Variants in AGBL1 observed in about 807,000 individuals in gnomAD.
AGBL1 encodes the protein cytosolic carboxypeptidase 4.
In AGBL1, 130 loss-of-function variants were observed where a neutral mutation model predicts 118.9. The ratio of observed to expected loss-of-function variants is 1.09; its 90% CI spans 0.95 to 1.26. AGBL1 has a LOEUF of 1.26. Among genes scored for constraint, AGBL1 ranks in the 50% most tolerant of loss-of-function variants. The pLI, the probability that AGBL1 is intolerant of heterozygous loss-of-function variation, is 0.00. For missense variants in AGBL1, 1,584 were observed against 1,298.1 expected, an observed-to-expected ratio of 1.22 and a Z score of -3.38; for synonymous variants, 555 against 478.9, an observed-to-expected ratio of 1.16 and a Z score of -2.08.
intron 7 of AGBL1, among the ~76,000 whole-genome samples, chr15:86,252,781 A>G (rs12907323): frequency 0.45 from 68,412 of 152,114 alleles, 15,875 homozygotes; most frequent in African/African-American, 0.54. Context: ...TGGGACAACT[A>G]GGACGTTTTG....
At chr15:86,194,527 G>A (rs896722154) in intron 5 of AGBL1, among the ~76,000 whole-genome samples, 1 of 152,174 alleles carries the variant, frequency 6.6e-6, no homozygotes, top group South Asian at 2.1e-4. Context: ...GGTTTTAGAA[G>A]TAGAGCATTC....
Position 86,495,752 on chromosome 15 carries a change from T to C in AGBL1, c.2556-27058T>C, listed in dbSNP as rs147167787. 7.7e-3 allele frequency among the ~76,000 whole-genome samples: 1,168 copies of C among 152,138 alleles called. 7 individuals are homozygous for C. Among genetic ancestry groups the C allele is most frequent in the Middle Eastern group, 0.014 (4 of 294 alleles). The stretch of plus-strand genomic sequence containing the variant: ...TTTTTAATAAATATTCAATATATGG[T>C]ATAAAAGTATGCATCTTCTCTGTTT... On this transcript the variant is annotated intron_variant, in intron 18 of 22. Transcript: ENST00000614907.
Position 86,365,042 on chromosome 15 carries a change from TACAC to T in AGBL1, c.2375-32320_2375-32317del, listed in dbSNP as rs1234526029. ...ATATATATATACACACACATATATA[TACAC>T]ACATATATATACACATATATATATA... On this transcript the variant is annotated intron_variant, in intron 17 of 22. Coordinates refer to ENST00000614907, the MANE Select transcript of AGBL1 (RefSeq NM_001386094.1). Among the ~76,000 whole-genome samples, 11 of 112,838 alleles carry T rather than the reference TACAC, an allele frequency of 9.7e-5. 1 individual carries two copies. The highest frequency in any genetic ancestry group is 3.9e-4 in the African/African-American group (11 of 28,536). The allele number at this position is 112,838 out of a possible 152,430, so 74.0% of individuals were successfully genotyped here. A position where few individuals can be genotyped will look rare whatever the true frequency, so the allele number is the denominator to read the frequency against.
intron 16 of AGBL1, among the ~76,000 whole-genome samples, chr15:86,294,529 TG>T (rs1320168620): frequency 6.6e-6 from 1 of 151,956 alleles, no homozygotes; most frequent in Non-Finnish European, 1.5e-5. Flanking sequence ...ATTAGTTAGT[TG>T]TTCTTTTAGC....
At chr15:86,450,940 G>C (rs1342828095) in intron 18 of AGBL1, among the ~76,000 whole-genome samples, 1 of 151,996 alleles carries the variant, frequency 6.6e-6, no homozygotes, top group Non-Finnish European at 1.5e-5. Context: ...GCTATTTATA[G>C]GTTTATGTTG....
At chr15:86,684,723 G>T (rs2086023981) in intron 22 of AGBL1, among the ~76,000 whole-genome samples, 1 of 152,220 alleles carries the variant, frequency 6.6e-6, no homozygotes, top group East Asian at 1.9e-4. Context: ...CTATGGCGTT[G>T]TCTTAACTTG....
At chr15:86,337,868 CA>C (rs2080398440) in intron 17 of AGBL1, among the ~76,000 whole-genome samples, 1 of 151,796 alleles carries the variant, frequency 6.6e-6, no homozygotes, top group East Asian at 1.9e-4. Flanking sequence ...TTAAAACAAA[CA>C]AAAAATGCAC....
intron 5 of AGBL1, among the ~76,000 whole-genome samples, chr15:86,200,559 C>A (rs1400193888): frequency 8.3e-5 from 12 of 143,892 alleles, no homozygotes; most frequent in Non-Finnish European, 1.2e-4. Context: ...TACCCCCCCC[C>A]CCCTTTTTTT....
chr15:86,556,776 A>T (rs908998825), intron 21 of AGBL1, among the ~76,000 whole-genome samples: 3 of 152,178 alleles, frequency 2.0e-5, no homozygotes, highest in African/African-American at 7.2e-5. Context: ...GTTTAGCATT[A>T]CCATTTATCC....
chr15:86,563,094 G>A (rs948578518), intron 21 of AGBL1, among the ~76,000 whole-genome samples: 1 of 152,078 alleles, frequency 6.6e-6, no homozygotes, highest in African/African-American at 2.4e-5. Context: ...CCAAAAACCA[G>A]CTCCTGGATT....
chr15:86,818,502 C>T (rs973314823), intron 22 of AGBL1, among the ~76,000 whole-genome samples: 1 of 152,176 alleles, frequency 6.6e-6, no homozygotes, highest in Non-Finnish European at 1.5e-5. Context: ...AGAAACCACT[C>T]CCCCAAACCC....
Position 86,406,195 on chromosome 15 carries a change from A to G in AGBL1, c.2555+8649A>G, listed in dbSNP as rs971764322. On this transcript the variant is annotated intron_variant, in intron 18 of 22. Coordinates refer to ENST00000614907, the MANE Select transcript of AGBL1 (RefSeq NM_001386094.1). ...TCTTAACTGGAACTGGGAAACAGAAAGAGTGTGTTTCTTTCTCAACTTGCC... is the reference window on the plus strand; with the variant it reads ...TCTTAACTGGAACTGGGAAACAGAAGGAGTGTGTTTCTTTCTCAACTTGCC... 1.3e-5 allele frequency among the ~76,000 whole-genome samples: 2 copies of G among 152,330 alleles called. 1 individual carries two copies. Among genetic ancestry groups the G allele is most frequent in the Middle Eastern group, 6.8e-3 (2 of 294 alleles).
intron 22 of AGBL1, among the ~76,000 whole-genome samples, chr15:86,720,299 A>T (rs2086698043): frequency 1.3e-5 from 2 of 152,174 alleles, no homozygotes; most frequent in African/African-American, 4.8e-5. Context: ...CTATCTACCC[A>T]GTTACCAGGC....
At chr15:86,711,624 TA>T (rs2086558475) in intron 22 of AGBL1, among the ~76,000 whole-genome samples, 1 of 152,154 alleles carries the variant, frequency 6.6e-6, no homozygotes, top group South Asian at 2.1e-4. Context: ...TTGAATGAAT[TA>T]ATAGGTCATG....
At chr15:86,593,766 T>C (rs184928215) in intron 21 of AGBL1, among the ~76,000 whole-genome samples, 13 of 152,322 alleles carry the variant, frequency 8.5e-5, no homozygotes, top group African/African-American at 3.1e-4. Flanking sequence ...AGTTAATCCT[T>C]CATCTGTAGC....
At chr15:86,326,606 ATTGT>A (rs2080188124) in intron 17 of AGBL1, among the ~76,000 whole-genome samples, 1 of 152,120 alleles carries the variant, frequency 6.6e-6, no homozygotes, top group African/African-American at 2.4e-5. Context: ...AGGATACTTG[ATTGT>A]TAAGGGAAAG....
chr15:86,673,711 C>G (rs200943304), intron 21 of AGBL1, among the ~76,000 whole-genome samples: 2 of 152,090 alleles, frequency 1.3e-5, no homozygotes, highest in Non-Finnish European at 2.9e-5. Flanking sequence ...ATGAATTATA[C>G]TATAGAGTAC....
chr15:86,998,971 T>C (rs1215955292), intron 24 of AGBL1, among the ~76,000 whole-genome samples: 1 of 151,226 alleles, frequency 6.6e-6, no homozygotes, highest in African/African-American at 2.4e-5. Context: ...CATTAACTCA[T>C]CATTTACATT....
At chr15:86,524,894 T>G (rs979608533) in intron 19 of AGBL1, among the ~76,000 whole-genome samples, 1 of 152,148 alleles carries the variant, frequency 6.6e-6, no homozygotes, top group Non-Finnish European at 1.5e-5. Context: ...CTGAAAGTCC[T>G]AGCCAGAGCA....
Sources: allele counts gnomAD v4.1 joint callset (sites outside exome capture counted in the v4.1 genomes callset), GRCh38; gene constraint gnomAD v4.1.1; transcripts MANE v1.5; gene names NCBI Gene and HGNC (gene_info 2026-07-23, HGNC 2026-07-21).